Variants in FRMD5 observed in about 807,000 individuals in gnomAD.
FRMD5 encodes FERM domain-containing protein 5.
Under a neutral mutation model 69.0 loss-of-function variants are expected in FRMD5, and 20 were observed. That is an observed-to-expected ratio of 0.29 (90% CI 0.20 to 0.42). The LOEUF (loss-of-function observed/expected upper bound fraction) is 0.42. Among genes scored for constraint, FRMD5 ranks in the 10% least tolerant of loss-of-function variants. FRMD5 has a pLI of 1.00. For missense variants in FRMD5, 595 were observed against 708.6 expected, an observed-to-expected ratio of 0.84 and a Z score of 1.82; for synonymous variants, 271 against 260.1, an observed-to-expected ratio of 1.04 and a Z score of -0.40.
intron 1 of FRMD5, among the ~76,000 whole-genome samples, chr15:44,059,129 C>T (rs1892989597): frequency 6.6e-6 from 1 of 152,130 alleles, no homozygotes; most frequent in Non-Finnish European, 1.5e-5. Flanking sequence ...CAATCACAAA[C>T]TACAGAAGGG....
At chr15:44,013,849 GAC>G (rs1447594317) in intron 1 of FRMD5, among the ~76,000 whole-genome samples, 1 of 136,860 alleles carries the variant, frequency 7.3e-6, no homozygotes, top group Non-Finnish European at 1.5e-5. Context: ...AGTATCTGGA[GAC>G]ACCTTCTTTT....
At chr15:43,887,845 C>T (rs911457953) in intron 10 of FRMD5, among the ~76,000 whole-genome samples, 3 of 152,338 alleles carry the variant, frequency 2.0e-5, no homozygotes, top group East Asian at 3.9e-4. Flanking sequence ...TAAATCATTA[C>T]GGTATATTTT....
chr15:44,163,715 C>T (rs2077660324), intron 1 of FRMD5, among the ~76,000 whole-genome samples: 1 of 152,174 alleles, frequency 6.6e-6, no homozygotes. Flanking sequence ...CTTTACCAGA[C>T]TTAAAAGGGA....
intron 1 of FRMD5, among the ~76,000 whole-genome samples, chr15:43,994,215 C>T (rs184324545): frequency 8.0e-4 from 121 of 151,872 alleles, no homozygotes; most frequent in Middle Eastern, 3.4e-3. Context: ...GCTTTGATTC[C>T]TTACTTTTTA....
intron 1 of FRMD5, among the ~76,000 whole-genome samples, chr15:44,162,189 C>T (rs1595540158): frequency 1.3e-5 from 2 of 151,576 alleles, no homozygotes; most frequent in East Asian, 3.9e-4. Flanking sequence ...TGGTCTCAAA[C>T]TCCTGACCTT....
At chr15:43,988,998 T>C in intron 1 of FRMD5, 2 of 742,660 alleles carry the variant, frequency 2.7e-6, no homozygotes, top group South Asian at 1.3e-5. Context: ...CAATCTCATC[T>C]TGTTTTCTGC....
At chr15:43,979,353 G>C (rs1256925106) in intron 1 of FRMD5, among the ~76,000 whole-genome samples, 1 of 151,734 alleles carries the variant, frequency 6.6e-6, no homozygotes, top group Non-Finnish European at 1.5e-5. Context: ...AAAAAAAAGG[G>C]TTCAATTTGC....
chr15:43,989,859 G>A, intron 1 of FRMD5: 4 of 1,025,500 alleles, frequency 3.9e-6, no homozygotes, highest in South Asian at 2.5e-5. Context: ...GGCTCAGGGG[G>A]ACCTTGGTCA....
At chr15:44,031,695 G>C (rs946933734) in intron 1 of FRMD5, among the ~76,000 whole-genome samples, 2 of 152,060 alleles carry the variant, frequency 1.3e-5, no homozygotes, top group Non-Finnish European at 2.9e-5. Context: ...TCAGTCCATG[G>C]CAATGTTAAC....
intron 1 of FRMD5, chr15:43,990,143 A>G: frequency 4.9e-6 from 3 of 606,196 alleles, no homozygotes; most frequent in Non-Finnish European, 9.4e-6. Context: ...TGCACATGCC[A>G]GAGCCATTGT....
chr15:44,046,546 G>C (rs1267244068), intron 1 of FRMD5, among the ~76,000 whole-genome samples: 2 of 152,146 alleles, frequency 1.3e-5, no homozygotes, highest in Non-Finnish European at 2.9e-5. Flanking sequence ...AAAAATACTG[G>C]CTCAAGAGGC....
At chr15:44,066,723 T>C (rs1290474955) in intron 1 of FRMD5, among the ~76,000 whole-genome samples, 4 of 152,152 alleles carry the variant, frequency 2.6e-5, no homozygotes, top group Non-Finnish European at 5.9e-5. Context: ...GGAAGATTCA[T>C]CTGATAGAAA....
chr15:43,937,652 A>G (rs1056956948), intron 1 of FRMD5, among the ~76,000 whole-genome samples: 3 of 151,528 alleles, frequency 2.0e-5, no homozygotes, highest in African/African-American at 7.3e-5. Flanking sequence ...CTCAAAAAAA[A>G]AAAAAAAAAA....
At chr15:43,945,988 G>A (rs1348124349) in intron 1 of FRMD5, among the ~76,000 whole-genome samples, 1 of 151,986 alleles carries the variant, frequency 6.6e-6, no homozygotes, top group Non-Finnish European at 1.5e-5. Flanking sequence ...CCGGGAGGCG[G>A]AGGCTGTAGT....
chr15:44,022,572 C>A, intron 1 of FRMD5, among the ~76,000 whole-genome samples: 1 of 123,256 alleles, frequency 8.1e-6, no homozygotes, highest in Non-Finnish European at 1.7e-5. Context: ...AGACTCTGTC[C>A]CCACTCCACC....
chr15:44,082,467 T>C (rs752213286), intron 1 of FRMD5, among the ~76,000 whole-genome samples: 4 of 152,026 alleles, frequency 2.6e-5, no homozygotes, highest in Admixed American at 1.3e-4. Context: ...TTGTCCATAA[T>C]TGACAGCCAA....
Position 44,195,037 on chromosome 15 carries a change from C to G in FRMD5, c.18G>C (p.Met6Ile). Residue 6 changes from methionine to isoleucine, a missense_variant, in exon 1 of 14, where the codon ATG becomes ATC. Around this residue, in one of 5 missense-constraint regions of FRMD5, gnomAD observed 44 missense variants for 33.6 expected, o/e 1.31. Coordinates refer to ENST00000417257, the MANE Select transcript of FRMD5 (RefSeq NM_032892.5). ...GCTCCAGGCTCCTGCTGCTGCCGCT[C>G]ATCAACCTGCTCAGCATCTTCCCGC... MLSRL[M>I]SGSSRSLERE... The G allele has an allele frequency of 6.5e-7, 1 of 1,550,034 alleles. No homozygotes were observed. Among genetic ancestry groups the G allele is most frequent in the Middle Eastern group, 2.3e-4 (1 of 4,404 alleles).
chr15:43,961,067 G>A (rs1226862523), intron 1 of FRMD5, among the ~76,000 whole-genome samples: 1 of 144,818 alleles, frequency 6.9e-6, no homozygotes, highest in African/African-American at 2.9e-5. Flanking sequence ...CAGAACTGAA[G>A]GAAATAGAGA....
In FRMD5 at chr15:44,186,443, T is replaced by A. The variant is rs1398110516; in HGVS notation, c.102+8510A>T. Among the ~76,000 whole-genome samples, 7 of 152,196 alleles carry A rather than the reference T, an allele frequency of 4.6e-5. No homozygotes were observed. The South Asian group carries it at 1.2e-3, about 27-fold the overall frequency. ...AAAAGGCTCTGCACCTGTCTGGAGGTGAAGGATAATTTGCCTGACTAAGGA... is the reference window on the plus strand; with the variant it reads ...AAAAGGCTCTGCACCTGTCTGGAGGAGAAGGATAATTTGCCTGACTAAGGA... On this transcript the variant is annotated intron_variant, in intron 1 of 13. Coordinates refer to ENST00000417257, the MANE Select transcript of FRMD5 (RefSeq NM_032892.5).
Sources: gnomAD v4.1 joint callset for allele counts (sites outside exome capture counted in the v4.1 genomes callset) on GRCh38, gnomAD v4.1.1 for gene constraint, gnomAD v4.1.1 regional missense constraint, MANE v1.5 for transcripts, NCBI Gene and HGNC (gene_info 2026-07-23, HGNC 2026-07-21) for gene names.